Variants in NSD1 observed in about 807,000 individuals in gnomAD.
The protein encoded by NSD1 is histone-lysine N-methyltransferase, H3 lysine-36 specific.
In NSD1, 26 loss-of-function variants were observed where a neutral mutation model predicts 242.7. The ratio of observed to expected loss-of-function variants is 0.11; its 90% confidence interval spans 0.08 to 0.15. The LOEUF is 0.15. Among genes scored for constraint, NSD1 ranks in the 10% least tolerant of loss-of-function variants. NSD1 has a pLI of 1.00. For missense variants in NSD1, 2,495 were observed against 3,272.8 expected (o/e 0.76, Z 5.80); for synonymous variants, 1,106 against 1,178.1 (o/e 0.94, Z 1.25).
chr5:177,156,649 T>G (rs982747668), intron 2 of NSD1, among the ~76,000 whole-genome samples: 1 of 152,170 alleles, frequency 6.6e-6, no homozygotes, highest in Non-Finnish European at 1.5e-5. Flanking sequence ...AGACCCCCTC[T>G]TCATGAAAAA....
intron 5 of NSD1, among the ~76,000 whole-genome samples, chr5:177,231,192 C>T (rs2149877795): frequency 6.6e-6 from 1 of 152,264 alleles, no homozygotes; most frequent in South Asian, 2.1e-4. Flanking sequence ...CTCAAGTGAT[C>T]CTCCCGCCTT....
At chr5:177,200,839 TCCTTTTGG>T (rs1398218969) in intron 3 of NSD1, among the ~76,000 whole-genome samples, 1 of 152,184 alleles carries the variant, frequency 6.6e-6, no homozygotes, top group Non-Finnish European at 1.5e-5. Flanking sequence ...TGGGTTGTTT[TCCTTTTGG>T]CCATTCTGAA....
At chr5:177,136,170 C>A in intron 2 of NSD1, 140 bp downstream of exon 2, 1 of 699,970 alleles carries the variant, frequency 1.4e-6, no homozygotes, top group Non-Finnish European at 2.4e-6. Context: ...AAGCTTTGGG[C>A]AAAATTTTAC....
At chr5:177,228,743 T>A (rs1190410132) in intron 5 of NSD1, among the ~76,000 whole-genome samples, 2 of 152,242 alleles carry the variant, frequency 1.3e-5, no homozygotes, top group Admixed American at 6.5e-5. Context: ...AGTTCAGTCT[T>A]GATGAAAGAG....
In NSD1 at chr5:177,230,826, C is replaced by CA. The variant is rs531025218; in HGVS notation, c.3797-4983dup. Among the ~76,000 whole-genome samples the CA allele has an allele frequency of 2.8e-3, 355 of 127,300 alleles. 1 individual carries two copies. Among genetic ancestry groups the CA allele is most frequent in the South Asian group, 9.9e-3 (40 of 4,030 alleles). The allele number at this position is 127,300 out of a possible 152,430, so 83.5% of individuals were successfully genotyped here. ...TGGGCGACAAAGCGAGACTCCGACTCAAAAAAAAAAAAGAGGAAATGCAAC... is the reference window on the plus strand; with the variant it reads ...TGGGCGACAAAGCGAGACTCCGACTCAAAAAAAAAAAAAGAGGAAATGCAAC... On this transcript the variant is annotated intron_variant, in intron 5 of 22. Transcript: ENST00000439151.
intron 2 of NSD1, among the ~76,000 whole-genome samples, chr5:177,142,100 C>A (rs1322633902): frequency 6.6e-6 from 1 of 152,204 alleles, no homozygotes; most frequent in Non-Finnish European, 1.5e-5. Context: ...TCCCAAAGTG[C>A]TGGGATTACA....
At chr5:177,260,378 A>G (rs1346077853) in intron 14 of NSD1, among the ~76,000 whole-genome samples, 1 of 108,368 alleles carries the variant, frequency 9.2e-6, no homozygotes, top group African/African-American at 3.7e-5. Flanking sequence ...ACAACGTTTC[A>G]CTCTGTTGCC....
At chr5:177,229,417 T>A (rs1291705268) in intron 5 of NSD1, among the ~76,000 whole-genome samples, 1 of 152,248 alleles carries the variant, frequency 6.6e-6, no homozygotes, top group East Asian at 1.9e-4. Context: ...TTGCTTTGTT[T>A]GATATTTGCT....
chr5:177,184,455 A>C (rs1760935301), intron 2 of NSD1, among the ~76,000 whole-genome samples: 1 of 152,036 alleles, frequency 6.6e-6, no homozygotes, highest in East Asian at 1.9e-4. Flanking sequence ...CATTTTTAGG[A>C]AAACTTTAAT....
In NSD1 at chr5:177,192,014, T is replaced by C; in HGVS notation, c.1058T>C (p.Met353Thr). 1 of 1,614,066 alleles carries C rather than the reference T, an allele frequency of 6.2e-7. No individual in the cohort carries two copies. The highest frequency in any genetic ancestry group is 8.5e-7 in the Non-Finnish European group (1 of 1,179,982). The change falls in exon 3 of 23, where the codon ATG (methionine) becomes ACG (threonine). Residue 353 changes from methionine (M) to threonine (T), a missense_variant. By Grantham distance (81) the Met-to-Thr change is moderately conservative (BLOSUM62 -1). Coordinates refer to ENST00000439151, the MANE Select transcript of NSD1 (RefSeq NM_022455.5). ...CCGTTGATTAACACACATTCAAAAA[T>C]GAAAGGTAATACTTGCAGTGATTAT... ...SDPLINTHSK[M>T]KVSNRRPYRQ...
At chr5:177,212,414 T>TC (rs1763418159) in intron 5 of NSD1, among the ~76,000 whole-genome samples, 1 of 152,006 alleles carries the variant, frequency 6.6e-6, no homozygotes, top group African/African-American at 2.4e-5. Context: ...GAAGCCCTTT[T>TC]CCCCAACCTT....
chr5:177,233,442 C>T (rs549100032), intron 5 of NSD1, among the ~76,000 whole-genome samples: 25 of 151,878 alleles, frequency 1.6e-4, no homozygotes, highest in South Asian at 1.5e-3. Flanking sequence ...GATCTTGGCT[C>T]ACTGCAACCT....
At chr5:177,242,356 A>G (rs889256908) in intron 8 of NSD1, among the ~76,000 whole-genome samples, 2 of 152,054 alleles carry the variant, frequency 1.3e-5, no homozygotes, top group African/African-American at 4.8e-5. Flanking sequence ...TTGCCCATTC[A>G]TTTTACTTGA....
intron 3 of NSD1, among the ~76,000 whole-genome samples, chr5:177,202,295 A>G (rs35535623): frequency 0.14 from 21,788 of 152,062 alleles, 2,036 homozygotes; most frequent in East Asian, 0.51. Flanking sequence ...AATCATTTAT[A>G]TATGACTTAT....
chr5:177,272,682 G>A (rs997347358), intron 16 of NSD1, among the ~76,000 whole-genome samples: 5 of 152,104 alleles, frequency 3.3e-5, no homozygotes, highest in Non-Finnish European at 5.9e-5. Flanking sequence ...TTGACCTTAG[G>A]AGTTTAAGGC....
At chr5:177,194,826 C>T (rs539896379) in intron 3 of NSD1, among the ~76,000 whole-genome samples, 62 of 150,892 alleles carry the variant, frequency 4.1e-4, no homozygotes, top group Non-Finnish European at 7.8e-4. Context: ...CTCAGCCTCC[C>T]GAGTACCTGG....
intron 5 of NSD1, among the ~76,000 whole-genome samples, chr5:177,215,975 C>G (rs1399443726): frequency 1.3e-5 from 2 of 152,156 alleles, no homozygotes; most frequent in Non-Finnish European, 2.9e-5. Context: ...ATCCTCCTAT[C>G]TCAGCATCCT....
chr5:177,156,084 A>G (rs1758108821), intron 2 of NSD1, among the ~76,000 whole-genome samples: 1 of 151,250 alleles, frequency 6.6e-6, no homozygotes, highest in South Asian at 2.1e-4. Flanking sequence ...GACCCTAAAT[A>G]CCTTCGAATA....
At chr5:177,254,420 G>A (rs891671452) in intron 12 of NSD1, among the ~76,000 whole-genome samples, 7 of 150,856 alleles carry the variant, frequency 4.6e-5, no homozygotes, top group East Asian at 3.9e-4. Context: ...TTTAATCTGC[G>A]ACAGAGTCTC....
Sources: allele counts gnomAD v4.1 joint callset (sites outside exome capture counted in the v4.1 genomes callset), GRCh38; gene constraint gnomAD v4.1.1; transcripts MANE v1.5; gene names NCBI Gene and HGNC (gene_info 2026-07-23, HGNC 2026-07-21).